Variants in KCNMB2 observed in about 807,000 individuals in gnomAD.
The protein encoded by KCNMB2 is calcium-activated potassium channel subunit beta-2.
A neutral mutation model predicts 24.5 loss-of-function variants in KCNMB2; 9 were observed. The observed-to-expected ratio is 0.37, with a 90% confidence interval of 0.22 to 0.64. The LOEUF is 0.64. Among genes scored for constraint, KCNMB2 ranks in the 30% least tolerant of loss-of-function variants. The pLI is 0.63. For synonymous variants in KCNMB2, 109 were observed against 104.4 expected, an observed-to-expected ratio of 1.04 and a Z score of -0.27; for missense variants, 226 against 284.3, an observed-to-expected ratio of 0.79 and a Z score of 1.47.
intron 2 of KCNMB2, among the ~76,000 whole-genome samples, chr3:178,815,714 T>C (rs980024492): frequency 2.2e-4 from 34 of 152,082 alleles, no homozygotes; most frequent in Non-Finnish European, 4.4e-4. Context: ...ATCTTTTCAA[T>C]TTGATAGGAG....
chr3:178,813,616 CTTA>C (rs1714281321), intron 2 of KCNMB2, among the ~76,000 whole-genome samples: 1 of 152,140 alleles, frequency 6.6e-6, no homozygotes, highest in Admixed American at 6.6e-5. Context: ...GTGTTACACT[CTTA>C]CTCTATTGGC....
intron 1 of KCNMB2, among the ~76,000 whole-genome samples, chr3:178,684,673 C>T (rs1336767441): frequency 6.6e-6 from 1 of 151,854 alleles, no homozygotes; most frequent in Non-Finnish European, 1.5e-5. Flanking sequence ...ACTAAAAATA[C>T]AAAAAAAGTT....
intron 3 of KCNMB2, among the ~76,000 whole-genome samples, chr3:178,827,336 T>C (rs1396590736): frequency 6.6e-6 from 1 of 152,128 alleles, no homozygotes; most frequent in Non-Finnish European, 1.5e-5. Context: ...CATAAAAGGG[T>C]TTCTTTTCCA....
At chr3:178,834,233 G>T (rs1715145085) in intron 4 of KCNMB2, among the ~76,000 whole-genome samples, 1 of 152,142 alleles carries the variant, frequency 6.6e-6, no homozygotes, top group South Asian at 2.1e-4. Flanking sequence ...CTGGGTGTGT[G>T]TGGGGCTTTT....
At chr3:178,568,846 TA>T (rs372942197) in intron 1 of KCNMB2, among the ~76,000 whole-genome samples, 18,956 of 119,476 alleles carry the variant, frequency 0.16, 1,970 homozygotes, top group East Asian at 0.28. Flanking sequence ...GATAGATAGA[TA>T]GATAGATGAT....
Position 178,794,131 on chromosome 3 carries a change from A to C in KCNMB2, c.-67-13212A>C, listed in dbSNP as rs141869378. ...GGTGAACACTAAGGGCCTGGTGAAC[A>C]CTACGCCTTTGCAGAACACCACCAA... is the stretch of plus-strand genomic sequence containing the variant. On this transcript the variant is annotated intron_variant, in intron 1 of 4. Coordinates refer to ENST00000452583, the MANE Select transcript of KCNMB2 (RefSeq NM_181361.3). 5.9e-5 allele frequency among the ~76,000 whole-genome samples: 9 copies of C among 152,288 alleles called. 1 individual carries two copies. The East Asian group carries it at 1.7e-3, about 29-fold the overall frequency.
At chr3:178,839,410 A>C (rs954008508) in intron 4 of KCNMB2, among the ~76,000 whole-genome samples, 2 of 152,222 alleles carry the variant, frequency 1.3e-5, no homozygotes, top group Admixed American at 1.3e-4. Context: ...AGAGGAACAG[A>C]GAGAAAGATT....
At chr3:178,831,062 TA>T (rs1715039039) in intron 4 of KCNMB2, among the ~76,000 whole-genome samples, 1 of 151,916 alleles carries the variant, frequency 6.6e-6, no homozygotes, top group Non-Finnish European at 1.5e-5. Context: ...ATGTATACAG[TA>T]AAATCTGACT....
At chr3:178,826,333 C>A (rs950959626) in intron 3 of KCNMB2, among the ~76,000 whole-genome samples, 1 of 152,232 alleles carries the variant, frequency 6.6e-6, no homozygotes, top group Non-Finnish European at 1.5e-5. Context: ...GAGTGGGACC[C>A]AGTCACCAGT....
intron 1 of KCNMB2, among the ~76,000 whole-genome samples, chr3:178,710,941 G>A (rs903823440): frequency 1.3e-5 from 2 of 152,158 alleles, no homozygotes; most frequent in Non-Finnish European, 2.9e-5. Flanking sequence ...TACGGAAGGA[G>A]CTGGAGACAC....
At chr3:178,837,791 G>A (rs1715285939) in intron 4 of KCNMB2, among the ~76,000 whole-genome samples, 1 of 151,892 alleles carries the variant, frequency 6.6e-6, no homozygotes, top group African/African-American at 2.4e-5. Context: ...TTACAGTTCT[G>A]CCAGATGTTC....
At chr3:178,832,994 A>C (rs2108473285) in intron 4 of KCNMB2, among the ~76,000 whole-genome samples, 1 of 29,970 alleles carries the variant, frequency 3.3e-5, no homozygotes, top group Non-Finnish European at 6.3e-5. Flanking sequence ...ATATTTGCAA[A>C]ATTTTTATAA....
intron 1 of KCNMB2, among the ~76,000 whole-genome samples, chr3:178,678,590 C>A (rs528880303): frequency 2.0e-5 from 3 of 152,186 alleles, no homozygotes; most frequent in Admixed American, 2.0e-4. Flanking sequence ...CTGATAACCT[C>A]ATTTCCGACA....
intron 1 of KCNMB2, among the ~76,000 whole-genome samples, chr3:178,681,494 T>C (rs1425427287): frequency 2.0e-5 from 3 of 152,174 alleles, no homozygotes; most frequent in African/African-American, 7.2e-5. Flanking sequence ...CACTTCATAA[T>C]TCACAAGGCA....
chr3:178,774,972 T>C (rs1712521752), intron 1 of KCNMB2, among the ~76,000 whole-genome samples: 1 of 152,178 alleles, frequency 6.6e-6, no homozygotes, highest in Admixed American at 6.5e-5. Context: ...CTTCTGGAGG[T>C]TACCAAGCCT....
intron 1 of KCNMB2, among the ~76,000 whole-genome samples, chr3:178,793,378 G>C (rs1212626805): frequency 6.6e-6 from 1 of 152,202 alleles, no homozygotes; most frequent in Non-Finnish European, 1.5e-5. Flanking sequence ...TTCTCTCAGT[G>C]ATGACATGGC....
At chr3:178,720,007 T>C (rs990665355) in intron 1 of KCNMB2, among the ~76,000 whole-genome samples, 1 of 152,154 alleles carries the variant, frequency 6.6e-6, no homozygotes, top group Non-Finnish European at 1.5e-5. Flanking sequence ...TACTTTAAGT[T>C]TTAGGGTACA....
intron 1 of KCNMB2, among the ~76,000 whole-genome samples, chr3:178,666,917 T>A (rs1461638083): frequency 6.6e-6 from 1 of 152,178 alleles, no homozygotes; most frequent in Non-Finnish European, 1.5e-5. Context: ...GATGTTCAAG[T>A]TCCTTACATA....
intron 1 of KCNMB2, among the ~76,000 whole-genome samples, chr3:178,582,320 C>T (rs930179129): frequency 3.1e-4 from 47 of 152,220 alleles, no homozygotes; most frequent in African/African-American, 1.1e-3. Flanking sequence ...AATGAGAACA[C>T]GTTGACACAG....
Sources: allele counts gnomAD v4.1 joint callset (sites outside exome capture counted in the v4.1 genomes callset), GRCh38; gene constraint gnomAD v4.1.1; transcripts MANE v1.5; gene names NCBI Gene and HGNC (gene_info 2026-07-23, HGNC 2026-07-21).